Variants in GRAMD1A observed in about 807,000 individuals in gnomAD.
GRAMD1A encodes protein Aster-A.
In GRAMD1A, 50 loss-of-function variants were observed where a neutral mutation model predicts 92.0. The ratio of observed to expected loss-of-function variants is 0.54; its 90% CI spans 0.43 to 0.69. GRAMD1A has a LOEUF of 0.69. Ranked by LOEUF, GRAMD1A falls within the 30% of genes least tolerant of loss-of-function variation. GRAMD1A has a pLI of 0.00. For missense variants in GRAMD1A, 819 were observed against 978.9 expected, an observed-to-expected ratio of 0.84 and a Z score of 2.18; for synonymous variants, 405 against 403.6, an observed-to-expected ratio of 1.00 and a Z score of -0.04.
upstream of GRAMD1A, among the ~76,000 whole-genome samples, chr19:34,997,612 A>C (rs2014095456): frequency 1.3e-5 from 2 of 152,152 alleles, no homozygotes; most frequent in South Asian, 4.1e-4. Flanking sequence ...TAGGAAGCAG[A>C]GCTTTGTGCA....
chr19:35,003,124 A>G (rs1208972711), intron 1 of GRAMD1A, among the ~76,000 whole-genome samples: 2 of 140,564 alleles, frequency 1.4e-5, no homozygotes, highest in Admixed American at 1.4e-4. Context: ...TAGCATACCT[A>G]TGATGCTGTT....
At position 35,003,896 on chromosome 19, in the gene GRAMD1A, A is replaced by G. The variant is rs575110176; in HGVS notation, c.8+3410A>G. Among the ~76,000 whole-genome samples the G allele has an allele frequency of 2.0e-5, 3 of 152,332 alleles. No individual in the cohort carries two copies. In the South Asian group the frequency reaches 6.2e-4, roughly 32 times the overall value. On this transcript the variant is annotated intron_variant, in intron 1 of 19. Coordinates refer to ENST00000317991, the MANE Select transcript of GRAMD1A (RefSeq NM_020895.5). ...ATGTGTTCTTTGTCCTCAGGTGAAC[A>G]AGTGGGCTTTGTTCAGGAAGGCTTT... is the stretch of plus-strand genomic sequence containing the variant.
At chr19:35,022,639 T>A (rs2016138080) in intron 16 of GRAMD1A, among the ~76,000 whole-genome samples, 1 of 102,604 alleles carries the variant, frequency 9.7e-6, no homozygotes, top group South Asian at 2.6e-4. Flanking sequence ...GAACCCACAC[T>A]CCTGCCCAGA....
At chr19:34,995,578 T>TTG (rs1568310004), upstream of GRAMD1A, among the ~76,000 whole-genome samples, 4 of 131,628 alleles carry the variant, frequency 3.0e-5, no homozygotes, top group African/African-American at 1.1e-4. Flanking sequence ...CGGGTTTTTT[T>TTG]TTTTTTTTTT....
chr19:35,008,718 A>C (rs984909583), intron 1 of GRAMD1A, among the ~76,000 whole-genome samples: 1 of 151,802 alleles, frequency 6.6e-6, no homozygotes. Context: ...TTGGGAGGCT[A>C]AGGCAGGAGA....
In GRAMD1A at chr19:35,022,898, A is replaced by T; in HGVS notation, c.1842-2A>T. The T allele has an allele frequency of 6.2e-7, 1 of 1,603,554 alleles. No homozygotes were observed. The highest frequency in any genetic ancestry group is 8.5e-7 in the Non-Finnish European group (1 of 1,175,510). On this transcript the variant is annotated splice_acceptor_variant, in intron 16 of 19. Coordinates refer to ENST00000317991, the MANE Select transcript of GRAMD1A (RefSeq NM_020895.5). LOFTEE classifies it high-confidence loss of function. ...TGTCTCCCCTCACTGCTGCTGCTGC[A>T]GGATCTGTGTGAGGTAGGGTCCCGA... is the stretch of plus-strand genomic sequence containing the variant.
chr19:35,008,744 G>A (rs1005292043), intron 1 of GRAMD1A, among the ~76,000 whole-genome samples: 2 of 152,168 alleles, frequency 1.3e-5, no homozygotes, highest in African/African-American at 4.8e-5. Context: ...TTGAACCCAG[G>A]AGGCAGAGTT....
rs371486274 is a variant in GRAMD1A at position 35,013,638 on chromosome 19, C to T, written c.817C>T (p.Arg273Cys). ...SQEPSPVGSR[R>C]GHVTPNLSRA... is the part of the protein sequence containing the mutation. ...GGAGCCAAGCCCAGTGGGTTCGCGCCGTGGCCATGTCACGCCCAACCTTTC... is the reference window on the plus strand; with the variant it reads ...GGAGCCAAGCCCAGTGGGTTCGCGCTGTGGCCATGTCACGCCCAACCTTTC... The change falls in exon 9 of 20, where the codon CGT becomes TGT. Residue 273 changes from arginine to cysteine, a missense_variant. This residue lies in a region of GRAMD1A where 577 missense variants were observed against 674.6 expected (regional missense o/e 0.86). Coordinates refer to ENST00000317991, the MANE Select transcript of GRAMD1A (RefSeq NM_020895.5). The surrounding 1 kb of genome is among the most constrained non-coding windows in gnomAD (Gnocchi z 4.9). 2.7e-5 allele frequency: 44 copies of T among 1,613,544 alleles called. No homozygotes were observed. The highest frequency in any genetic ancestry group is 5.5e-5 in the South Asian group (5 of 91,024).
upstream of GRAMD1A, among the ~76,000 whole-genome samples, chr19:34,999,187 G>T (rs1425698063): frequency 6.7e-6 from 1 of 149,390 alleles, no homozygotes; most frequent in African/African-American, 2.4e-5. Context: ...GTTTAGAATG[G>T]AGCGATTGAT....
In GRAMD1A at chr19:35,013,636, G is replaced by A. The variant is rs765599980; in HGVS notation, c.815G>A (p.Arg272His). Residue 272 changes from arginine to histidine, a missense_variant, in exon 9 of 20, where the codon CGC becomes CAC. This residue lies in a region of GRAMD1A where 577 missense variants were observed against 674.6 expected (regional missense o/e 0.86). Coordinates refer to ENST00000317991, the MANE Select transcript of GRAMD1A (RefSeq NM_020895.5). This position sits in a 1 kb window ranked among gnomAD's most constrained non-coding sequence, Gnocchi z 4.9. The stretch of plus-strand genomic sequence containing the variant: ...CAGGAGCCAAGCCCAGTGGGTTCGC[G>A]CCGTGGCCATGTCACGCCCAACCTT... ...RSQEPSPVGS[R>H]RGHVTPNLSR... 13 of 1,613,446 alleles carry A rather than the reference G, an allele frequency of 8.1e-6. No homozygotes were observed. Among genetic ancestry groups the A allele is most frequent in the South Asian group, 2.2e-5 (2 of 91,034 alleles).
chr19:35,020,896 G>A (rs1427151931), intron 13 of GRAMD1A, among the ~76,000 whole-genome samples: 1 of 152,160 alleles, frequency 6.6e-6, no homozygotes, highest in Admixed American at 6.5e-5. Flanking sequence ...TGGAGGGGAC[G>A]GAGGCTGAAT....
chr19:35,019,823 G>A (rs955140811), intron 13 of GRAMD1A, among the ~76,000 whole-genome samples: 27 of 152,294 alleles, frequency 1.8e-4, no homozygotes, highest in Admixed American at 7.8e-4. Context: ...TTGGACAATA[G>A]AGAAATGATC....
chr19:34,996,360 G>A, upstream of GRAMD1A: 4 of 1,310,162 alleles, frequency 3.1e-6, no homozygotes, highest in Non-Finnish European at 4.1e-6. Context: ...TGTCAAGGGT[G>A]GGTTCCTTGT....
intron 19 of GRAMD1A, 143 bp downstream of exon 19, chr19:35,023,690 C>T: frequency 1.4e-6 from 1 of 720,166 alleles, no homozygotes; most frequent in South Asian, 2.2e-5. Flanking sequence ...GAGTCCCCAC[C>T]CCACAGCATT....
chr19:34,997,402 A>AGAAG (rs1568311169), upstream of GRAMD1A, among the ~76,000 whole-genome samples: 1 of 151,192 alleles, frequency 6.6e-6, no homozygotes, highest in Non-Finnish European at 1.5e-5. Flanking sequence ...AAAAAAAAAA[A>AGAAG]AAGAAGAAGA....
chr19:34,995,570 G>GTTTTTCTTTT (rs1173583059), upstream of GRAMD1A, among the ~76,000 whole-genome samples: 308 of 80,860 alleles, frequency 3.8e-3, 31 homozygotes, highest in Non-Finnish European at 5.2e-3. Flanking sequence ...TCAGATCACG[G>GTTTTTCTTTT]GTTTTTTTTT....
At chr19:35,010,250 AC>A (rs1568323696) in intron 5 of GRAMD1A, 33 bp from the exon 6 acceptor site, 1 of 1,584,810 alleles carries the variant, frequency 6.3e-7, no homozygotes, top group Admixed American at 1.7e-5. Context: ...GCCAGGCCCC[AC>A]CCCGCTCCTA....
At chr19:35,003,709 G>A (rs925386737) in intron 1 of GRAMD1A, among the ~76,000 whole-genome samples, 5 of 152,180 alleles carry the variant, frequency 3.3e-5, no homozygotes, top group Admixed American at 2.0e-4. Context: ...CACCAGTGCT[G>A]TCTGGGTGAA....
intron 13 of GRAMD1A, among the ~76,000 whole-genome samples, chr19:35,020,527 A>C (rs2015972178): frequency 6.8e-6 from 1 of 146,958 alleles, no homozygotes; most frequent in South Asian, 2.1e-4. Flanking sequence ...GACAGAGTGA[A>C]ACTCTGTCTC....
Sources: allele counts gnomAD v4.1 joint callset (sites outside exome capture counted in the v4.1 genomes callset), GRCh38; gene constraint gnomAD v4.1.1; regional missense constraint gnomAD v4.1.1; non-coding constraint Gnocchi (gnomAD v3.1); transcripts MANE v1.5; gene names NCBI Gene and HGNC (gene_info 2026-07-23, HGNC 2026-07-21).